The following CATSPERT variants were observed in gnomAD, a reference collection of about 807,000 sequenced individuals.
CATSPERT encodes catsper channel auxiliary subunit tau.
the CATSPERT span, among the ~76,000 whole-genome samples, chr2:201,572,529 A>T: frequency 6.6e-6 from 1 of 152,146 alleles, no homozygotes; most frequent in Admixed American, 6.6e-5. Flanking sequence ...TTTTTAGTAG[A>T]TTCCACCTAC....
At chr2:201,547,408 G>A in the CATSPERT span, 1 of 667,826 alleles carries the variant, frequency 1.5e-6, no homozygotes, top group Non-Finnish European at 2.4e-6. Flanking sequence ...TATATATCAA[G>A]GACAAAAAAT....
the CATSPERT span, among the ~76,000 whole-genome samples, chr2:201,617,099 G>T: frequency 6.6e-6 from 1 of 152,196 alleles, no homozygotes; most frequent in Non-Finnish European, 1.5e-5. Context: ...CTCATGGATA[G>T]GAAGACTCAA....
At chr2:201,494,008 C>T in the CATSPERT span, 3 of 1,536,430 alleles carry the variant, frequency 2.0e-6, no homozygotes, top group Non-Finnish European at 2.6e-6. Flanking sequence ...TACTTGACCA[C>T]CTTCTAAAAG....
the CATSPERT span, among the ~76,000 whole-genome samples, chr2:201,496,639 G>A: frequency 1.3e-5 from 2 of 152,112 alleles, no homozygotes; most frequent in Admixed American, 6.6e-5. Flanking sequence ...CACCGCGCCC[G>A]GCCATAGATA....
the CATSPERT span, among the ~76,000 whole-genome samples, chr2:201,606,420 G>A: frequency 8.1e-4 from 124 of 152,282 alleles, no homozygotes; most frequent in African/African-American, 2.7e-3. Context: ...TCAAGCCAAG[G>A]ATTTTTATCC....
chr2:201,522,023 A>G, the CATSPERT span, among the ~76,000 whole-genome samples: 1 of 152,312 alleles, frequency 6.6e-6, no homozygotes, highest in Admixed American at 6.5e-5. Flanking sequence ...TTCAGTATAC[A>G]ATAAAGGCCA....
At chr2:201,582,245 A>G in the CATSPERT span, 2 of 1,569,180 alleles carry the variant, frequency 1.3e-6, no homozygotes, top group South Asian at 2.4e-5. Context: ...TAAGAAAAGA[A>G]GCATTAAATT....
At chr2:201,529,594 C>T in the CATSPERT span, among the ~76,000 whole-genome samples, 1 of 152,070 alleles carries the variant, frequency 6.6e-6, no homozygotes, top group Non-Finnish European at 1.5e-5. Flanking sequence ...CAAAAATCAT[C>T]TCAAAATGTA....
At chr2:201,564,153 G>A in the CATSPERT span, among the ~76,000 whole-genome samples, 1 of 152,184 alleles carries the variant, frequency 6.6e-6, no homozygotes, top group Admixed American at 6.5e-5. Flanking sequence ...CCTGACTCTA[G>A]GAGTAAGAAT....
At chr2:201,566,175 G>C in the CATSPERT span, among the ~76,000 whole-genome samples, 1 of 151,828 alleles carries the variant, frequency 6.6e-6, no homozygotes, top group African/African-American at 2.4e-5. Flanking sequence ...CAAATCTTTA[G>C]ACCCAAATCT....
At chr2:201,539,511 G>GTTT in the CATSPERT span, among the ~76,000 whole-genome samples, 912 of 89,680 alleles carry the variant, frequency 0.01, 41 homozygotes, top group East Asian at 0.031. Context: ...TTTTAACGAG[G>GTTT]TTTTTTTTTT....
At chr2:201,490,787 G>A in the CATSPERT span, among the ~76,000 whole-genome samples, 4 of 152,106 alleles carry the variant, frequency 2.6e-5, no homozygotes, top group African/African-American at 4.8e-5. Flanking sequence ...GCAGTGGCGC[G>A]ATCTCGGCTC....
At chr2:201,544,265 A>G in the CATSPERT span, among the ~76,000 whole-genome samples, 1 of 152,086 alleles carries the variant, frequency 6.6e-6, no homozygotes, top group Non-Finnish European at 1.5e-5. Context: ...TCATTGTTGG[A>G]CATCTGGTTT....
the CATSPERT span, among the ~76,000 whole-genome samples, chr2:201,508,592 A>G: frequency 4.6e-5 from 7 of 152,246 alleles, no homozygotes; most frequent in African/African-American, 1.7e-4. Context: ...GCAAAACTGA[A>G]ACCCAGCTGG....
At chr2:201,490,224 CATG>C in the CATSPERT span, among the ~76,000 whole-genome samples, 2 of 152,088 alleles carry the variant, frequency 1.3e-5, no homozygotes, top group Non-Finnish European at 2.9e-5. Flanking sequence ...CATGATATAG[CATG>C]GTGGTGAAAA....
At chr2:201,529,192 C>CA in the CATSPERT span, among the ~76,000 whole-genome samples, 1 of 152,128 alleles carries the variant, frequency 6.6e-6, no homozygotes, top group Non-Finnish European at 1.5e-5. Context: ...TCTACAGATT[C>CA]AATCCAATTC....
At chr2:201,600,353 G>A in the CATSPERT span, among the ~76,000 whole-genome samples, 53 of 152,062 alleles carry the variant, frequency 3.5e-4, no homozygotes, top group Non-Finnish European at 5.3e-4. Flanking sequence ...AACAAACACC[G>A]CATATTCTCA....
chr2:201,535,549 A>T, the CATSPERT span: 1 of 978,426 alleles, frequency 1.0e-6, no homozygotes, highest in Non-Finnish European at 1.2e-6. Flanking sequence ...TCAGGCTTTT[A>T]AATTTCCTTT....
the CATSPERT span, chr2:201,545,735 C>T: frequency 1.8e-6 from 1 of 569,674 alleles, no homozygotes; most frequent in Non-Finnish European, 2.7e-6. Flanking sequence ...ATACAATACA[C>T]CTTCCTCCAC....
Sources: gnomAD v4.1 joint callset for allele counts (sites outside exome capture counted in the v4.1 genomes callset) on GRCh38, gnomAD v4.1.1 for gene constraint, MANE v1.5 for transcripts, NCBI Gene and HGNC (gene_info 2026-07-23, HGNC 2026-07-21) for gene names.